RAP1A: variants seen among roughly 807,000 people sequenced by gnomAD.
RAP1A encodes ras-related protein Rap-1A.
In RAP1A, 6 loss-of-function variants were observed where a neutral mutation model predicts 26.4. The ratio of observed to expected loss-of-function variants is 0.23; its 90% confidence interval spans 0.12 to 0.45. The LOEUF is 0.45. Among genes scored for constraint, RAP1A ranks in the 20% least tolerant of loss-of-function variants. The pLI is 0.99. For missense variants in RAP1A, 121 were observed against 217.2 expected (o/e 0.56, Z 2.78); for synonymous variants, 73 against 79.4 (o/e 0.92, Z 0.43).
intron 1 of RAP1A, among the ~76,000 whole-genome samples, chr1:111,656,872 AT>A: frequency 6.6e-6 from 1 of 151,898 alleles, no homozygotes; most frequent in South Asian, 2.1e-4. Context: ...CATTGTAATT[AT>A]TTTTAAGTAT....
Position 111,654,416 on chromosome 1 carries a change from G to GT in RAP1A, c.-28+34482_-28+34483insT, listed in dbSNP as rs555778536. Among the ~76,000 whole-genome samples the GT allele has an allele frequency of 1.1e-4, 17 of 152,244 alleles. No homozygotes were observed. The South Asian group carries it at 3.3e-3, about 30-fold the overall frequency. On this transcript the variant is annotated intron_variant, in intron 1 of 7. Transcript: ENST00000369709. ...TCATTCCCATTTTAAAGATGAAAGA[G>GT]GCCATATAATAGAGTGCTTAGGAGC...
At chr1:111,711,116 C>A (rs1211753326) in intron 7 of RAP1A, among the ~76,000 whole-genome samples, 1 of 152,164 alleles carries the variant, frequency 6.6e-6, no homozygotes, top group Non-Finnish European at 1.5e-5. Flanking sequence ...GGATTACAGG[C>A]GTGAGCCACC....
At chr1:111,622,884 T>C (rs1271570795) in intron 1 of RAP1A, among the ~76,000 whole-genome samples, 1 of 152,236 alleles carries the variant, frequency 6.6e-6, no homozygotes, top group Admixed American at 6.5e-5. Context: ...GTTAAGTTAC[T>C]CCAGATCTTG....
At chr1:111,601,154 C>A (rs184765050) in intron 1 of RAP1A, among the ~76,000 whole-genome samples, 156 of 152,338 alleles carry the variant, frequency 1.0e-3, no homozygotes, top group African/African-American at 3.7e-3. Flanking sequence ...CATTCATTAA[C>A]CTCGATGACA....
intron 1 of RAP1A, among the ~76,000 whole-genome samples, chr1:111,555,237 A>G (rs1022131454): frequency 2.0e-5 from 3 of 151,758 alleles, no homozygotes; most frequent in African/African-American, 7.3e-5. Flanking sequence ...GTGGTGGTGC[A>G]TTCCTGTAGT....
intron 1 of RAP1A, among the ~76,000 whole-genome samples, chr1:111,631,904 T>TA (rs55637562): frequency 0.22 from 33,311 of 148,420 alleles, 3,853 homozygotes; most frequent in African/African-American, 0.31. Context: ...TTTTTGGCTT[T>TA]AAAAAAAAAA....
At chr1:111,640,727 AG>A (rs1659864947) in intron 1 of RAP1A, among the ~76,000 whole-genome samples, 1 of 152,228 alleles carries the variant, frequency 6.6e-6, no homozygotes, top group South Asian at 2.1e-4. Context: ...TGGAAGGCCA[AG>A]GTAGGAGGAT....
At chr1:111,542,220 C>T in exon 1 of RAP1A, 1 of 590,266 alleles carries the variant, frequency 1.7e-6, no homozygotes, top group Admixed American at 1.9e-5. Flanking sequence ...AAACAGACAT[C>T]CTTCGCGTAC....
intron 1 of RAP1A, among the ~76,000 whole-genome samples, chr1:111,606,168 A>G (rs1658771260): frequency 6.6e-6 from 1 of 152,184 alleles, no homozygotes; most frequent in Non-Finnish European, 1.5e-5. Context: ...TTAACCCTGA[A>G]TTCTGTTAAC....
At chr1:111,706,518 G>A (rs966849271) in intron 6 of RAP1A, 1 of 166,026 alleles carries the variant, frequency 6.0e-6, no homozygotes, top group Admixed American at 6.5e-5. Context: ...CGTTCTTAAA[G>A]TAGTATATGG....
chr1:111,686,249 A>G (rs1009574356), intron 1 of RAP1A, among the ~76,000 whole-genome samples: 1 of 152,202 alleles, frequency 6.6e-6, no homozygotes, highest in Non-Finnish European at 1.5e-5. Flanking sequence ...CTGCACATGT[A>G]TTCCAGAATT....
intron 1 of RAP1A, among the ~76,000 whole-genome samples, chr1:111,590,594 CTT>C (rs976316986): frequency 2.8e-5 from 4 of 141,944 alleles, no homozygotes; most frequent in Non-Finnish European, 1.5e-5. Flanking sequence ...TTCTAATGGT[CTT>C]TTTTTTTTTT....
chr1:111,586,193 T>C (rs192468198), intron 1 of RAP1A, among the ~76,000 whole-genome samples: 12 of 152,346 alleles, frequency 7.9e-5, no homozygotes, highest in Non-Finnish European at 1.5e-4. Flanking sequence ...GGAATCATAG[T>C]GTAATTTTTT....
chr1:111,569,340 A>C (rs1657989349), intron 1 of RAP1A, among the ~76,000 whole-genome samples: 1 of 149,900 alleles, frequency 6.7e-6, no homozygotes, highest in Admixed American at 6.7e-5. Flanking sequence ...TGGAGGTTGC[A>C]GTTAGCCGAG....
intron 1 of RAP1A, among the ~76,000 whole-genome samples, chr1:111,633,010 A>G (rs1183515737): frequency 6.6e-6 from 1 of 152,006 alleles, no homozygotes; most frequent in Non-Finnish European, 1.5e-5. Flanking sequence ...GTGGCAGTAT[A>G]ATTACTACTT....
At chr1:111,705,580 A>T (rs1662164585) in intron 6 of RAP1A, among the ~76,000 whole-genome samples, 1 of 152,242 alleles carries the variant, frequency 6.6e-6, no homozygotes, top group South Asian at 2.1e-4. Flanking sequence ...ACAAGTACAT[A>T]AAAACAAGAA....
intron 1 of RAP1A, among the ~76,000 whole-genome samples, chr1:111,563,058 G>A (rs1392748825): frequency 2.0e-5 from 3 of 152,162 alleles, no homozygotes; most frequent in Non-Finnish European, 4.4e-5. Context: ...GGCTTAAAGA[G>A]AGTAAGCAGC....
At chr1:111,622,804 A>G (rs534617786) in intron 1 of RAP1A, among the ~76,000 whole-genome samples, 7 of 152,332 alleles carry the variant, frequency 4.6e-5, no homozygotes, top group Non-Finnish European at 1.0e-4. Flanking sequence ...ATTGTTGGAT[A>G]CAGAGATGAA....
chr1:111,554,669 C>T (rs951181997), intron 1 of RAP1A, among the ~76,000 whole-genome samples: 1 of 152,204 alleles, frequency 6.6e-6, no homozygotes, highest in Non-Finnish European at 1.5e-5. Context: ...GCACTTGGTA[C>T]AAGGTCCAAA....
Sources: gnomAD v4.1 joint callset for allele counts (sites outside exome capture counted in the v4.1 genomes callset) on GRCh38, gnomAD v4.1.1 for gene constraint, MANE v1.5 for transcripts, NCBI Gene and HGNC (gene_info 2026-07-23, HGNC 2026-07-21) for gene names.